Variants in CNBD1 observed in about 807,000 individuals in gnomAD.
CNBD1 encodes cyclic nucleotide-binding domain-containing protein 1.
CNBD1 carries 71 observed loss-of-function variants against 54.4 expected under a neutral mutation model. The ratio of observed to expected loss-of-function variants is 1.30; its 90% confidence interval spans 1.08 to 1.59. CNBD1 has a LOEUF of 1.59. Ranked by LOEUF, CNBD1 falls within the 40% of genes most tolerant of loss-of-function variation. CNBD1 has a pLI of 0.00. For missense variants in CNBD1, 659 were observed against 518.0 expected, an observed-to-expected ratio of 1.27 and a Z score of -2.64; for synonymous variants, 182 against 170.7, an observed-to-expected ratio of 1.07 and a Z score of -0.51.
At chr8:87,137,023 ATAT>A (rs1270272976) in intron 4 of CNBD1, among the ~76,000 whole-genome samples, 19 of 109,486 alleles carry the variant, frequency 1.7e-4, no homozygotes, top group African/African-American at 7.4e-4. Context: ...TAAATTATAT[ATAT>A]TATATTTATA....
chr8:86,881,221 G>T (rs1808601663), intron 1 of CNBD1, among the ~76,000 whole-genome samples: 1 of 152,172 alleles, frequency 6.6e-6, no homozygotes, highest in Non-Finnish European at 1.5e-5. Context: ...CAAATAGTAA[G>T]AGAGGAAGTA....
At chr8:87,408,044 CA>C (rs1807679769) in intron 2 of CNBD1, among the ~76,000 whole-genome samples, 1 of 151,850 alleles carries the variant, frequency 6.6e-6, no homozygotes, top group South Asian at 2.1e-4. Context: ...AATTTCTGTT[CA>C]CTCCATTGTT....
In CNBD1 at chr8:87,353,698, T is replaced by G; in HGVS notation, c.1215T>G (p.Ile405Met). 1 of 1,610,316 alleles carries G rather than the reference T, an allele frequency of 6.2e-7. No homozygotes were observed. The highest frequency in any genetic ancestry group is 1.1e-5 in the South Asian group (1 of 90,486). ...AGGAGAAGGAGTCCTTTGGTGAGATTAGCGTCCTTCTTCAAGTTCCTTTCA... is the reference window on the plus strand; with the variant it reads ...AGGAGAAGGAGTCCTTTGGTGAGATGAGCGTCCTTCTTCAAGTTCCTTTCA... ...KLKEKESFGE[I>M]SVLLQVPFTC... is the part of the protein sequence containing the mutation. Residue 405 changes from isoleucine to methionine, a missense_variant, in exon 10 of 11, where the codon ATT becomes ATG. Physicochemically the swap from Ile to Met is conservative, Grantham distance 10. Coordinates refer to ENST00000518476, the MANE Select transcript of CNBD1 (RefSeq NM_173538.3).
rs555926621 is a variant in CNBD1, at chr8:87,264,851, G to GT, written c.772-19820dup. 5.8e-3 allele frequency among the ~76,000 whole-genome samples: 882 copies of GT among 152,064 alleles called. 20 individuals are homozygous for GT. The highest frequency in any genetic ancestry group is 0.02 in the African/African-American group (843 of 41,450). Reference sequence around the variant, plus strand: ...CGCCCACTTGTTGATGGGGTTGTTTGTTTTTTTCTTGTAAATTTGTTTAAG... The same window carrying GT: ...CGCCCACTTGTTGATGGGGTTGTTTGTTTTTTTTCTTGTAAATTTGTTTAAG... On this transcript the variant is annotated intron_variant, in intron 6 of 10. Coordinates refer to ENST00000518476, the MANE Select transcript of CNBD1 (RefSeq NM_173538.3).
chr8:87,389,358 T>C (rs112484163), intron 2 of CNBD1, among the ~76,000 whole-genome samples: 2,867 of 152,230 alleles, frequency 0.019, 90 homozygotes, highest in African/African-American at 0.062. Context: ...AACCCCAGCG[T>C]CTCAGCCCAA....
At chr8:87,025,462 A>G (rs902986756) in intron 4 of CNBD1, among the ~76,000 whole-genome samples, 2 of 152,352 alleles carry the variant, frequency 1.3e-5, no homozygotes, top group Middle Eastern at 3.4e-3. Flanking sequence ...CAACAAACCC[A>G]GTGAGTGGAA....
chr8:87,174,870 C>T (rs774734566), intron 4 of CNBD1, among the ~76,000 whole-genome samples: 15 of 152,176 alleles, frequency 9.9e-5, no homozygotes, highest in African/African-American at 1.4e-4. Context: ...AGGAAGAATT[C>T]TCTGGATTCC....
At chr8:87,254,861 G>A (rs1369852555) in intron 6 of CNBD1, among the ~76,000 whole-genome samples, 1 of 151,880 alleles carries the variant, frequency 6.6e-6, no homozygotes, top group African/African-American at 2.4e-5. Context: ...TAGAAAATGG[G>A]GCAAGAAGAA....
At chr8:87,014,127 T>G (rs762303685) in intron 4 of CNBD1, among the ~76,000 whole-genome samples, 5 of 151,744 alleles carry the variant, frequency 3.3e-5, no homozygotes, top group African/African-American at 1.2e-4. Context: ...AAAAAAGCAC[T>G]CAAATCAAAT....
Position 87,182,036 on chromosome 8 carries a change from C to T in CNBD1, c.432-23957C>T, listed in dbSNP as rs1349463354. 6.6e-6 allele frequency among the ~76,000 whole-genome samples: 1 copy of T among 152,136 alleles called. No individual in the cohort carries two copies. Among genetic ancestry groups the T allele is most frequent in the African/African-American group, 2.4e-5 (1 of 41,436 alleles). On this transcript the variant is annotated intron_variant, in intron 4 of 10. Coordinates refer to ENST00000518476, the MANE Select transcript of CNBD1 (RefSeq NM_173538.3). This position sits in a 1 kb window ranked among gnomAD's most constrained non-coding sequence, Gnocchi z 4.1. ...ATCTGATAGGTAGTTTTTTGACCTT[C>T]ACCCTGCTCCTAACATCTCACTTGA... is the stretch of plus-strand genomic sequence containing the variant.
At chr8:87,240,556 T>A (rs1000664368) in intron 6 of CNBD1, among the ~76,000 whole-genome samples, 6 of 152,174 alleles carry the variant, frequency 3.9e-5, no homozygotes, top group African/African-American at 1.4e-4. Flanking sequence ...ATTTTCAAAC[T>A]TTCATGCTTG....
At chr8:87,025,353 A>G (rs982712799) in intron 4 of CNBD1, among the ~76,000 whole-genome samples, 1 of 152,192 alleles carries the variant, frequency 6.6e-6, no homozygotes, top group African/African-American at 2.4e-5. Flanking sequence ...GCTTTTCACA[A>G]TAAATCTTGC....
rs147537887 is a variant in CNBD1 at position 87,337,729 on chromosome 8, C to T, written c.1043-13956C>T. 1.6e-4 allele frequency among the ~76,000 whole-genome samples: 25 copies of T among 152,330 alleles called. No homozygotes were observed. The East Asian group carries it at 3.5e-3, about 21-fold the overall frequency. On this transcript the variant is annotated intron_variant, in intron 8 of 10. Coordinates refer to ENST00000518476, the MANE Select transcript of CNBD1 (RefSeq NM_173538.3). ...TGGGGGTGGGGGCTCTCAGGTGTCC[C>T]GTGTGGCTCTCAGGTGAGCTGTTGC...
chr8:87,248,592 G>A (rs537868090), intron 6 of CNBD1, among the ~76,000 whole-genome samples: 25 of 152,322 alleles, frequency 1.6e-4, no homozygotes, highest in South Asian at 1.2e-3. Context: ...TCATGGCTTC[G>A]TTGGATAGCC....
chr8:87,125,124 C>T (rs529375169), intron 4 of CNBD1, among the ~76,000 whole-genome samples: 18 of 151,346 alleles, frequency 1.2e-4, no homozygotes, highest in South Asian at 8.3e-4. Context: ...AAAACACTGA[C>T]GAAAAAGTTA....
intron 4 of CNBD1, among the ~76,000 whole-genome samples, chr8:86,974,281 A>G (rs1808291908): frequency 6.6e-6 from 1 of 152,268 alleles, no homozygotes; most frequent in South Asian, 2.1e-4. Context: ...ATATGATGCT[A>G]TAGCTGTTAC....
chr8:86,960,689 A>T (rs1807907374), intron 4 of CNBD1, among the ~76,000 whole-genome samples: 1 of 152,190 alleles, frequency 6.6e-6, no homozygotes, highest in Admixed American at 6.5e-5. Context: ...TGCCTCCTCA[A>T]GTGGGTCCCT....
chr8:87,088,475 T>G (rs1811144454), intron 4 of CNBD1, among the ~76,000 whole-genome samples: 1 of 152,196 alleles, frequency 6.6e-6, no homozygotes, highest in Non-Finnish European at 1.5e-5. Context: ...TTTACCACTT[T>G]TCATAGATAT....
rs559220275 is a variant in CNBD1 at position 87,090,708 on chromosome 8, GTAATT to G, written c.432-115281_432-115277del. On this transcript the variant is annotated intron_variant, in intron 4 of 10. Transcript: ENST00000518476. Reference sequence around the variant, plus strand: ...CTTTAGAAATTTTCTTCTAAATCAGGTAATTTAAACAATTAGATTGAGTTTGTTAC... The same window carrying G: ...CTTTAGAAATTTTCTTCTAAATCAGGTAAACAATTAGATTGAGTTTGTTAC... 5.9e-4 allele frequency among the ~76,000 whole-genome samples: 90 copies of G among 152,054 alleles called. 1 individual carries two copies. The highest frequency in any genetic ancestry group is 2.1e-3 in the African/African-American group (88 of 41,478).
Sources: allele counts gnomAD v4.1 joint callset (sites outside exome capture counted in the v4.1 genomes callset), GRCh38; gene constraint gnomAD v4.1.1; non-coding constraint Gnocchi (gnomAD v3.1); transcripts MANE v1.5; gene names NCBI Gene and HGNC (gene_info 2026-07-23, HGNC 2026-07-21).